Variants in BMPR2 observed in about 807,000 individuals in gnomAD.
The protein encoded by BMPR2 is bone morphogenetic protein receptor type 2.
In BMPR2, 29 loss-of-function variants were observed where a neutral mutation model predicts 100.8. That is an observed-to-expected ratio of 0.29 (90% confidence interval 0.21 to 0.39). BMPR2 has a LOEUF of 0.39. Ranked by LOEUF, BMPR2 falls within the 10% of genes least tolerant of loss-of-function variation. BMPR2 has a pLI of 1.00. For missense variants in BMPR2, 1,011 were observed against 1,274.5 expected, an observed-to-expected ratio of 0.79 and a Z score of 3.15; for synonymous variants, 382 against 442.3, an observed-to-expected ratio of 0.86 and a Z score of 1.71.
chr2:202,490,925 G>T (rs1381102778), intron 3 of BMPR2, among the ~76,000 whole-genome samples: 4 of 151,798 alleles, frequency 2.6e-5, no homozygotes, highest in Non-Finnish European at 5.9e-5. Flanking sequence ...TTTGTTTTTT[G>T]TTTTGTTTTT....
rs886055475 is a variant in BMPR2 at position 202,560,632 on chromosome 2, C to G, written c.*686C>G. ...TACCTGATTTCTTACTTTCTCTCTC[C>G]TTATCATGGAGAATACAGAAACATT... is the stretch of plus-strand genomic sequence containing the variant. On this transcript the variant is annotated 3_prime_UTR_variant, in exon 13 of 13. Coordinates refer to ENST00000374580, the MANE Select transcript of BMPR2 (RefSeq NM_001204.7). 6.5e-6 allele frequency: 1 copy of G among 152,682 alleles called. No homozygotes were observed. Among genetic ancestry groups the G allele is most frequent in the Non-Finnish European group, 1.5e-5 (1 of 68,116 alleles). 9.5% of individuals were successfully genotyped at this position (152,682 alleles called of 1,614,324 possible).
chr2:202,486,188 T>C (rs1321511906), intron 3 of BMPR2, among the ~76,000 whole-genome samples: 3 of 152,162 alleles, frequency 2.0e-5, no homozygotes, highest in African/African-American at 7.2e-5. Flanking sequence ...TTAGAACATA[T>C]ATTGCCTTAC....
At position 202,520,286 on chromosome 2, in the gene BMPR2, G is replaced by A. The variant is rs897804401; in HGVS notation, c.967+85G>A. ...TTTTAATTATATCTTCAAAGTAAAA[G>A]TATAATTTATATTATTGGAGATTTA... is the stretch of plus-strand genomic sequence containing the variant. On this transcript the variant is annotated intron_variant, in intron 7 of 12. Transcript: ENST00000374580. 4 of 896,208 alleles carry A rather than the reference G, an allele frequency of 4.5e-6. No homozygotes were observed. The African/African-American group carries it at 6.6e-5, about 15-fold the overall frequency. 55.5% of individuals were successfully genotyped at this position (896,208 alleles called of 1,614,324 possible).
intron 2 of BMPR2, among the ~76,000 whole-genome samples, chr2:202,465,462 T>A (rs1406727086): frequency 6.6e-6 from 1 of 152,234 alleles, no homozygotes; most frequent in African/African-American, 2.4e-5. Flanking sequence ...AGATTATTTT[T>A]AAAACATCTT....
intron 3 of BMPR2, among the ~76,000 whole-genome samples, chr2:202,506,621 C>T (rs78846211): frequency 6.6e-6 from 1 of 152,070 alleles, no homozygotes; most frequent in East Asian, 1.9e-4. Context: ...TGTCCATAGG[C>T]CGGGTGCGGT....
intron 1 of BMPR2, among the ~76,000 whole-genome samples, chr2:202,439,171 C>G (rs1250815436): frequency 6.7e-6 from 1 of 150,138 alleles, no homozygotes; most frequent in South Asian, 2.1e-4. Flanking sequence ...TTGTGTAAAT[C>G]TTGCACTTCT....
intron 11 of BMPR2, among the ~76,000 whole-genome samples, chr2:202,553,810 T>C (rs2106043277): frequency 6.6e-6 from 1 of 152,280 alleles, no homozygotes; most frequent in African/African-American, 2.4e-5. Flanking sequence ...TGCCTCGGCC[T>C]CCCGAGTAGC....
At chr2:202,462,681 G>A (rs1449147043) in intron 1 of BMPR2, among the ~76,000 whole-genome samples, 1 of 150,570 alleles carries the variant, frequency 6.6e-6, no homozygotes, top group Non-Finnish European at 1.5e-5. Flanking sequence ...CTATCCACAG[G>A]CCCTTATGGT....
intron 3 of BMPR2, among the ~76,000 whole-genome samples, chr2:202,494,282 A>G (rs1692972249): frequency 6.6e-6 from 1 of 152,216 alleles, no homozygotes; most frequent in South Asian, 2.1e-4. Flanking sequence ...ACTAATCCCC[A>G]ATTTGCCTTT....
At chr2:202,417,238 G>A (rs1691149511) in intron 1 of BMPR2, among the ~76,000 whole-genome samples, 1 of 152,064 alleles carries the variant, frequency 6.6e-6, no homozygotes, top group Admixed American at 6.5e-5. Flanking sequence ...CCAGGTTCAA[G>A]CTATTCTCCT....
At chr2:202,477,233 C>T (rs1014984677) in intron 3 of BMPR2, among the ~76,000 whole-genome samples, 6 of 152,140 alleles carry the variant, frequency 3.9e-5, no homozygotes, top group African/African-American at 1.4e-4. Context: ...CAATAAATAA[C>T]AGTTACTTTC....
intron 1 of BMPR2, among the ~76,000 whole-genome samples, chr2:202,385,637 T>TA (rs1690412140): frequency 6.9e-6 from 1 of 145,256 alleles, no homozygotes; most frequent in Non-Finnish European, 1.5e-5. Flanking sequence ...GTGCTGGGAT[T>TA]ACAGGCGTGA....
chr2:202,393,874 T>TGA lies in BMPR2; in HGVS notation c.76+16330_76+16331dup, dbSNP rs1452564596. Among the ~76,000 whole-genome samples the TGA allele has an allele frequency of 4.0e-4, 31 of 76,714 alleles. 1 individual carries two copies. Among genetic ancestry groups the TGA allele is most frequent in the African/African-American group, 1.2e-3 (23 of 19,972 alleles). 50.3% of individuals were successfully genotyped at this position (76,714 alleles called of 152,430 possible). The stretch of plus-strand genomic sequence containing the variant: ...AGAAGATGGCATCTAATTAAGGTAA[T>TGA]GAGAGAGCGAGAGAGAGAGAGAGAG... On this transcript the variant is annotated intron_variant, in intron 1 of 12. Transcript: ENST00000374580.
chr2:202,508,464 A>C (rs913819812), intron 3 of BMPR2, among the ~76,000 whole-genome samples: 1 of 152,220 alleles, frequency 6.6e-6, no homozygotes, highest in Admixed American at 6.5e-5. Flanking sequence ...AATATGATAT[A>C]TCCCACTGTA....
At chr2:202,461,612 A>G (rs1692226609) in intron 1 of BMPR2, among the ~76,000 whole-genome samples, 1 of 152,224 alleles carries the variant, frequency 6.6e-6, no homozygotes, top group Non-Finnish European at 1.5e-5. Flanking sequence ...TTCACCTCCA[A>G]AAATATAATG....
intron 2 of BMPR2, among the ~76,000 whole-genome samples, chr2:202,466,166 AAGAT>A (rs1480093948): frequency 1.3e-5 from 2 of 152,222 alleles, no homozygotes; most frequent in Non-Finnish European, 2.9e-5. Flanking sequence ...ATTAGGTTAT[AAGAT>A]ATATCAATAT....
intron 4 of BMPR2, among the ~76,000 whole-genome samples, chr2:202,514,471 C>T (rs1687679257): frequency 6.6e-6 from 1 of 152,200 alleles, no homozygotes; most frequent in Non-Finnish European, 1.5e-5. Context: ...TCCATAATAC[C>T]ATTTTCACAT....
intron 3 of BMPR2, among the ~76,000 whole-genome samples, chr2:202,473,289 T>A (rs1456689375): frequency 6.6e-6 from 1 of 151,898 alleles, no homozygotes; most frequent in African/African-American, 2.4e-5. Context: ...AAAAATTAGC[T>A]GGGCATAGTG....
intron 5 of BMPR2, 54 bp downstream of exon 5, chr2:202,515,033 G>T: frequency 7.0e-7 from 1 of 1,434,714 alleles, no homozygotes; most frequent in South Asian, 1.1e-5. Context: ...ACTAGACCTG[G>T]AACAGTGACT....
Sources: allele counts gnomAD v4.1 joint callset (sites outside exome capture counted in the v4.1 genomes callset), GRCh38; gene constraint gnomAD v4.1.1; transcripts MANE v1.5; gene names NCBI Gene and HGNC (gene_info 2026-07-23, HGNC 2026-07-21).